CRB2: variants seen among roughly 807,000 people sequenced by gnomAD.
CRB2 encodes crumbs cell polarity complex component 2.
CRB2 carries 85 observed loss-of-function variants against 110.9 expected under a neutral mutation model. That is an observed-to-expected ratio of 0.77 (90% CI 0.64 to 0.92). CRB2 has a LOEUF of 0.92. Ranked by LOEUF, CRB2 falls within the 40% of genes least tolerant of loss-of-function variation. CRB2 has a pLI of 0.00. For missense variants in CRB2, 1,843 were observed against 1,851.3 expected (o/e 1.00, Z 0.08); for synonymous variants, 907 against 831.0 (o/e 1.09, Z -1.57).
At chr9:123,357,701 C>A (rs1478626464) in intron 1 of CRB2, among the ~76,000 whole-genome samples, 1 of 152,110 alleles carries the variant, frequency 6.6e-6, no homozygotes, top group African/African-American at 2.4e-5. Context: ...TGGATCGGTG[C>A]TCTGTCCCCT....
At chr9:123,368,317 TCG>T (rs1382982846) in intron 6 of CRB2, among the ~76,000 whole-genome samples, 1 of 152,052 alleles carries the variant, frequency 6.6e-6, no homozygotes, top group East Asian at 1.9e-4. Context: ...CCTCTCTCAC[TCG>T]CCTGAAGATG....
chr9:123,370,509 C>T lies in CRB2; in HGVS notation c.1456C>T (p.Leu486=), dbSNP rs761620968. The change falls in exon 7 of 13, where the codon CTG becomes TTG. Residue 486 remains leucine, a synonymous_variant. Coordinates refer to ENST00000373631, the MANE Select transcript of CRB2 (RefSeq NM_173689.7). ...CAATGACACCAAGGAAAGCTTGGAG[C>T]TGGCATTGGTGGCAGCCACACTTCA... ...TRNDTKESLE[L]ALVAATLQAT... 1.2e-6 allele frequency: 2 copies of T among 1,613,380 alleles called. No homozygotes were observed. The highest frequency in any genetic ancestry group is 8.5e-7 in the Non-Finnish European group (1 of 1,180,046).
intron 1 of CRB2, among the ~76,000 whole-genome samples, chr9:123,360,839 C>T (rs968203653): frequency 5.3e-5 from 8 of 152,150 alleles, no homozygotes; most frequent in African/African-American, 1.9e-4. Flanking sequence ...TGAGATGACA[C>T]ATGAAAGATG....
chr9:123,355,423 G>A (rs1483563560), upstream of CRB2, among the ~76,000 whole-genome samples: 3 of 151,974 alleles, frequency 2.0e-5, no homozygotes, highest in Non-Finnish European at 4.4e-5. Context: ...AGAGATCAAG[G>A]TCAAGTGGAA....
chr9:123,376,119 C>G (rs908265327), intron 12 of CRB2, among the ~76,000 whole-genome samples: 7 of 152,202 alleles, frequency 4.6e-5, no homozygotes, highest in African/African-American at 1.7e-4. Flanking sequence ...TACAGCTCCT[C>G]CCTCAAAATG....
At chr9:123,359,460 T>G (rs1208525772) in intron 1 of CRB2, among the ~76,000 whole-genome samples, 1 of 144,494 alleles carries the variant, frequency 6.9e-6, no homozygotes, top group East Asian at 2.0e-4. Flanking sequence ...TTTTTTTTTT[T>G]TTTTTTAAGA....
At chr9:123,357,265 G>A (rs185354996) in intron 1 of CRB2, among the ~76,000 whole-genome samples, 119 of 152,216 alleles carry the variant, frequency 7.8e-4, no homozygotes, top group African/African-American at 2.7e-3. Context: ...CCAAGGGAAC[G>A]CTTGGTGTTA....
intron 1 of CRB2, among the ~76,000 whole-genome samples, chr9:123,356,596 G>A (rs1465100550): frequency 1.3e-5 from 2 of 151,618 alleles, no homozygotes; most frequent in Non-Finnish European, 2.9e-5. Flanking sequence ...CGGGGTTGGG[G>A]GATCGGGGGC....
intron 8 of CRB2, 84 bp from the exon 9 acceptor site, chr9:123,372,093 C>A: frequency 7.4e-7 from 1 of 1,347,282 alleles, no homozygotes; most frequent in Non-Finnish European, 1.1e-6. Flanking sequence ...AGTAGGTGCT[C>A]AGCGAAGAAG....
In CRB2 at chr9:123,373,605, C is replaced by T; in HGVS notation, c.3074C>T (p.Pro1025Leu). ...GTGGCGCTGGGCGGCCTGCCCCTGCCCTTGGCGCGGCCCCGGCCCGGCGCG... is the reference window on the plus strand; with the variant it reads ...GTGGCGCTGGGCGGCCTGCCCCTGCTCTTGGCGCGGCCCCGGCCCGGCGCG... ...GRVALGGLPLPLARPRPGAAP... is the reference protein window; with the variant it reads ...GRVALGGLPLLLARPRPGAAP... The change falls in exon 10 of 13, where the codon CCC (proline) becomes CTC (leucine). Residue 1025 changes from proline (P) to leucine (L), a missense_variant. Transcript: ENST00000373631. 7.3e-7 allele frequency: 1 copy of T among 1,378,042 alleles called. No individual in the cohort carries two copies. Among genetic ancestry groups the T allele is most frequent in the East Asian group, 3.1e-5 (1 of 32,314 alleles). 85.4% of individuals were successfully genotyped at this position (1,378,042 alleles called of 1,614,324 possible).
intron 1 of CRB2, among the ~76,000 whole-genome samples, chr9:123,359,583 G>A (rs2041843933): frequency 6.6e-6 from 1 of 151,656 alleles, no homozygotes; most frequent in Non-Finnish European, 1.5e-5. Flanking sequence ...CAAGCAGCTG[G>A]GACTACAGGG....
intron 1 of CRB2, among the ~76,000 whole-genome samples, chr9:123,361,897 G>C (rs2041872789): frequency 6.6e-6 from 1 of 152,206 alleles, no homozygotes; most frequent in Admixed American, 6.5e-5. Context: ...TGGTGACAAG[G>C]CTCTCAGGAA....
rs144387267 is a variant in CRB2 at position 123,368,307 on chromosome 9, CCT to C, written c.1054+627_1054+628del. Among the ~76,000 whole-genome samples, 65 of 152,254 alleles carry C rather than the reference CCT, an allele frequency of 4.3e-4. 4 individuals are homozygous for C. The East Asian group carries it at 0.012, about 29-fold the overall frequency. On this transcript the variant is annotated intron_variant, in intron 6 of 12. Coordinates refer to ENST00000373631, the MANE Select transcript of CRB2 (RefSeq NM_173689.7). ...GAAAGAGATGGTGGTCACCTCTTCC[CCT>C]CTCTCACTCGCCTGAAGATGGTGGG...
In CRB2 at chr9:123,372,270, C is replaced by G. The variant is rs2042027709; in HGVS notation, c.2530C>G (p.Gln844Glu). ...PANFTGPTCA[Q>E]QLWCPGQPCL... is the part of the protein sequence containing the mutation. The stretch of plus-strand genomic sequence containing the variant: ...CAATTTCACGGGGCCTACGTGTGCC[C>G]AGCAGCTGTGGTGTCCCGGCCAGCC... The change falls in exon 9 of 13, where the codon CAG becomes GAG. Residue 844 changes from glutamine to glutamate, a missense_variant. Coordinates refer to ENST00000373631, the MANE Select transcript of CRB2 (RefSeq NM_173689.7). 3 of 1,613,576 alleles carry G rather than the reference C, an allele frequency of 1.9e-6. No individual in the cohort carries two copies. The highest frequency in any genetic ancestry group is 2.5e-6 in the Non-Finnish European group (3 of 1,179,802).
In CRB2 at chr9:123,373,351, C is replaced by T. The variant is rs1372723630; in HGVS notation, c.2820C>T (p.Pro940=). ...GCGTGCGCGGAGGCCATGGCCTGCC[C>T]GGCGCTGTGCTGCCCATACCGGGGC... ...AGGVRGGHGL[P]GAVLPIPGPR... Residue 940 remains proline (P), a synonymous_variant, in exon 10 of 13, where the codon CCC becomes CCT. Coordinates refer to ENST00000373631, the MANE Select transcript of CRB2 (RefSeq NM_173689.7). 2.0e-5 allele frequency: 29 copies of T among 1,435,548 alleles called. No homozygotes were observed. The highest frequency in any genetic ancestry group is 9.1e-5 in the East Asian group (3 of 32,898). The allele number at this position is 1,435,548 out of a possible 1,614,324, so 88.9% of individuals were successfully genotyped here.
rs1018242054 is a variant in CRB2 at position 123,378,696 on chromosome 9, G to C, written c.*1634G>C. The C allele has an allele frequency of 6.6e-6, 1 of 151,600 alleles. No individual in the cohort carries two copies. Among genetic ancestry groups the C allele is most frequent in the Non-Finnish European group, 1.5e-5 (1 of 68,006 alleles). The allele number at this position is 151,600 out of a possible 1,614,324, so 9.4% of individuals were successfully genotyped here. On this transcript the variant is annotated 3_prime_UTR_variant, in exon 13 of 13. Coordinates refer to ENST00000373631, the MANE Select transcript of CRB2 (RefSeq NM_173689.7). The stretch of plus-strand genomic sequence containing the variant: ...ACTAAGTTAGAGATTTGGAAAACCT[G>C]TGTCAGCTGTAACTCCTAGGATATT...
intron 1 of CRB2, among the ~76,000 whole-genome samples, chr9:123,360,595 C>T (rs1410572968): frequency 6.6e-6 from 1 of 152,166 alleles, no homozygotes; most frequent in African/African-American, 2.4e-5. Context: ...GGTTGCGATG[C>T]AGATTCTCAG....
chr9:123,367,446 A>ACC (rs2041953107), intron 5 of CRB2, 89 bp downstream of exon 5: 9 of 136,906 alleles, frequency 6.6e-5, no homozygotes. Context: ...CCACCCCCCC[A>ACC]CCCCACACCC....
At chr9:123,366,174 G>A (rs2041928454) in intron 3 of CRB2, 53 bp from the exon 4 acceptor site, 3 of 1,379,800 alleles carry the variant, frequency 2.2e-6, no homozygotes, top group East Asian at 3.1e-5. Flanking sequence ...GAGGCCAGGC[G>A]CGGGGCAGAA....
Sources: allele counts gnomAD v4.1 joint callset (sites outside exome capture counted in the v4.1 genomes callset), GRCh38; gene constraint gnomAD v4.1.1; transcripts MANE v1.5; gene names NCBI Gene and HGNC (gene_info 2026-07-23, HGNC 2026-07-21).